The following ENTPD1 variants were observed in gnomAD, a reference collection of about 807,000 sequenced individuals.
ENTPD1 encodes ectonucleoside triphosphate diphosphohydrolase 1.
In ENTPD1, 33 loss-of-function variants were observed where a neutral mutation model predicts 57.0. The ratio of observed to expected loss-of-function variants is 0.58; its 90% confidence interval spans 0.44 to 0.77. The LOEUF (loss-of-function observed/expected upper bound fraction) is 0.77, where lower values mean the gene tolerates loss of function less well. ENTPD1 is among the 30% of genes least tolerant of loss of function. The pLI is 0.00. For missense variants in ENTPD1, 501 were observed against 603.4 expected (o/e 0.83, Z 1.78); for synonymous variants, 202 against 218.8 (o/e 0.92, Z 0.68).
intron 1 of ENTPD1, among the ~76,000 whole-genome samples, chr10:95,799,089 A>G (rs999130264): frequency 6.6e-6 from 1 of 152,240 alleles, no homozygotes; most frequent in African/African-American, 2.4e-5. Flanking sequence ...AACCAAACAC[A>G]TAAGAGATGG....
chr10:95,867,193 T>A lies in ENTPD1; in HGVS notation c.*810T>A. Reference sequence around the variant, plus strand: ...GGGTCACAAAAAATGCATCTTCCAATGCATATTTTTATTATGGTAAAATAT... The same window carrying A: ...GGGTCACAAAAAATGCATCTTCCAAAGCATATTTTTATTATGGTAAAATAT... On this transcript the variant is annotated 3_prime_UTR_variant, in exon 10 of 10. Transcript: ENST00000371205. The A allele has an allele frequency of 1.0e-6, 1 of 985,176 alleles. No homozygotes were observed. Among genetic ancestry groups the A allele is most frequent in the Non-Finnish European group, 1.2e-6 (1 of 829,672 alleles). The allele number at this position is 985,176 out of a possible 1,614,324, so 61.0% of individuals were successfully genotyped here.
intron 1 of ENTPD1, among the ~76,000 whole-genome samples, chr10:95,724,023 G>A (rs981580884): frequency 3.3e-5 from 5 of 151,982 alleles, no homozygotes; most frequent in Non-Finnish European, 5.9e-5. Flanking sequence ...TTAGCTGGGT[G>A]TTGTGGTGGA....
chr10:95,854,787 G>A (rs1334347292), intron 7 of ENTPD1, among the ~76,000 whole-genome samples: 1 of 152,092 alleles, frequency 6.6e-6, no homozygotes, highest in Non-Finnish European at 1.5e-5. Flanking sequence ...ATTGCACTGT[G>A]GTCTGAGAGA....
rs2098479607 is a variant in ENTPD1, at chr10:95,870,863, A to C, written c.*4480A>C. 1 of 985,366 alleles carries C rather than the reference A, an allele frequency of 1.0e-6. No individual in the cohort carries two copies. 61.0% of individuals were successfully genotyped at this position (985,366 alleles called of 1,614,324 possible). On this transcript the variant is annotated 3_prime_UTR_variant, in exon 10 of 10. Transcript: ENST00000371205. Reference sequence around the variant, plus strand: ...GCCTCAAAGTTTCATGAATTGCTGCAGTAAACATTGATTTTCATGTTTGTG... The same window carrying C: ...GCCTCAAAGTTTCATGAATTGCTGCCGTAAACATTGATTTTCATGTTTGTG...
intron 1 of ENTPD1, among the ~76,000 whole-genome samples, chr10:95,815,830 A>G (rs1187966672): frequency 6.6e-6 from 1 of 152,204 alleles, no homozygotes; most frequent in African/African-American, 2.4e-5. Flanking sequence ...AACAGGAAAG[A>G]AAGGAGAGAA....
Position 95,868,503 on chromosome 10 carries a change from G to A in ENTPD1, c.*2120G>A. ...CATAGTAGATTGACATCAAATAGTG[G>A]CCGATGATGATGAAAATAAAGGTCA... On this transcript the variant is annotated 3_prime_UTR_variant, in exon 10 of 10. Transcript: ENST00000371205. 1.0e-6 allele frequency: 1 copy of A among 985,362 alleles called. No individual in the cohort carries two copies. The highest frequency in any genetic ancestry group is 1.2e-6 in the Non-Finnish European group (1 of 829,930). The allele number at this position is 985,362 out of a possible 1,614,324, so 61.0% of individuals were successfully genotyped here.
chr10:95,748,121 C>T (rs1374988943), intron 1 of ENTPD1, among the ~76,000 whole-genome samples: 1 of 152,186 alleles, frequency 6.6e-6, no homozygotes, highest in Non-Finnish European at 1.5e-5. Flanking sequence ...GATCCGCCCA[C>T]CTCGGCCTCC....
At chr10:95,702,080 A>G in the ENTPD1 span, among the ~76,000 whole-genome samples, 5 of 152,078 alleles carry the variant, frequency 3.3e-5, no homozygotes, top group African/African-American at 1.2e-4. Flanking sequence ...AAAATTAAAA[A>G]CAAATAAAAA....
chr10:95,719,716 TA>T lies in ENTPD1; in HGVS notation c.37+7724del, dbSNP rs1490219099. Reference sequence around the variant, plus strand: ...GGCGGCTAAAAGTAAATCATCCACGTACCAAAGGACAAGAGTGTCCAGGTAT... The same window carrying T: ...GGCGGCTAAAAGTAAATCATCCACGTCCAAAGGACAAGAGTGTCCAGGTAT... On this transcript the variant is annotated intron_variant, in intron 1 of 9. Coordinates refer to the ENTPD1 transcript ENST00000453258. Among the ~76,000 whole-genome samples, 3 of 152,348 alleles carry T rather than the reference TA, an allele frequency of 2.0e-5. No individual in the cohort carries two copies. The East Asian group carries it at 5.8e-4, about 29-fold the overall frequency.
rs2098204923 is a variant in ENTPD1, at chr10:95,791,769, C to A, written c.17-31468C>A. Among the ~76,000 whole-genome samples the A allele has an allele frequency of 1.3e-5, 2 of 152,098 alleles. No individual in the cohort carries two copies. The highest frequency in any genetic ancestry group is 4.8e-5 in the African/African-American group (2 of 41,400). Reference sequence around the variant, plus strand: ...TGTTAAAAGTGAACAGTGCCTGGGCCCCATGCTAGAAATTCTGATGTAATT... The same window carrying A: ...TGTTAAAAGTGAACAGTGCCTGGGCACCATGCTAGAAATTCTGATGTAATT... On this transcript the variant is annotated intron_variant, in intron 1 of 9. Transcript: ENST00000371205. The surrounding 1 kb of genome is among the most constrained non-coding windows in gnomAD (Gnocchi z 4.1).
At chr10:95,701,349 A>G in the ENTPD1 span, among the ~76,000 whole-genome samples, 9 of 152,336 alleles carry the variant, frequency 5.9e-5, no homozygotes, top group African/African-American at 1.9e-4. Context: ...AGGGCAATAT[A>G]TATTTCATCT....
chr10:95,857,462 G>A (rs2098457106), intron 7 of ENTPD1, among the ~76,000 whole-genome samples: 1 of 152,072 alleles, frequency 6.6e-6, no homozygotes, highest in Admixed American at 6.5e-5. Flanking sequence ...ATTTATTAGT[G>A]CTTTATTACA....
chr10:95,743,710 A>C (rs1443779949), intron 1 of ENTPD1, among the ~76,000 whole-genome samples: 1 of 151,710 alleles, frequency 6.6e-6, no homozygotes, highest in African/African-American at 2.4e-5. Context: ...AATTTTGGCT[A>C]TTGGAAGCTC....
chr10:95,775,438 C>T (rs1350438807), intron 1 of ENTPD1, among the ~76,000 whole-genome samples: 1 of 152,154 alleles, frequency 6.6e-6, no homozygotes, highest in Non-Finnish European at 1.5e-5. Flanking sequence ...CCAGTTTTTG[C>T]CCATTCAGTA....
chr10:95,816,917 G>A (rs1434472883), intron 1 of ENTPD1, among the ~76,000 whole-genome samples: 2 of 152,172 alleles, frequency 1.3e-5, no homozygotes, highest in African/African-American at 4.8e-5. Flanking sequence ...AGTAGAATCT[G>A]GAATATAGTA....
At chr10:95,866,116 C>T (rs2098474013) in intron 9 of ENTPD1, 61 bp from the exon 10 acceptor site, 2 of 1,556,080 alleles carry the variant, frequency 1.3e-6, no homozygotes, top group Admixed American at 1.9e-5. Context: ...TAATTCTAAG[C>T]CCTAGGTGAT....
chr10:95,872,699 A>G lies in ENTPD1; in HGVS notation c.*6316A>G, dbSNP rs146222725. On this transcript the variant is annotated 3_prime_UTR_variant, in exon 10 of 10. Coordinates refer to ENST00000371205, the MANE Select transcript of ENTPD1 (RefSeq NM_001776.6). Reference sequence around the variant, plus strand: ...ATCACGGACCTAAGGTAATAGTTCTAGCCAACCTCCCTGTCCACTGCCAGG... The same window carrying G: ...ATCACGGACCTAAGGTAATAGTTCTGGCCAACCTCCCTGTCCACTGCCAGG... 5.3e-3 allele frequency: 5,229 copies of G among 985,352 alleles called. 32 individuals carry two copies. Among genetic ancestry groups the G allele is most frequent in the South Asian group, 0.03 (636 of 21,286 alleles). The allele number at this position is 985,352 out of a possible 1,614,324, so 61.0% of individuals were successfully genotyped here.
chr10:95,695,926 T>G, the ENTPD1 span, among the ~76,000 whole-genome samples: 1 of 152,198 alleles, frequency 6.6e-6, no homozygotes, highest in South Asian at 2.1e-4. Flanking sequence ...CTATAAAATT[T>G]CTTCTTTTTG....
chr10:95,865,427 G>A (rs1246847148), intron 9 of ENTPD1, among the ~76,000 whole-genome samples: 1 of 152,188 alleles, frequency 6.6e-6, no homozygotes, highest in Non-Finnish European at 1.5e-5. Flanking sequence ...CAGGAATAGA[G>A]AACCCAGCTG....
Sources: gnomAD v4.1 joint callset for allele counts (sites outside exome capture counted in the v4.1 genomes callset) on GRCh38, gnomAD v4.1.1 for gene constraint, Gnocchi (gnomAD v3.1) non-coding constraint, MANE v1.5 for transcripts, NCBI Gene and HGNC (gene_info 2026-07-23, HGNC 2026-07-21) for gene names.